Variants in XRCC5 observed in about 807,000 individuals in gnomAD.
The protein encoded by XRCC5 is DNA repair protein Ku80.
Under a neutral mutation model 95.7 loss-of-function variants are expected in XRCC5, and 12 were observed. The observed-to-expected ratio is 0.13, with a 90% CI of 0.08 to 0.20. The LOEUF (loss-of-function observed/expected upper bound fraction) is 0.20. Among genes scored for constraint, XRCC5 ranks in the 10% least tolerant of loss-of-function variants. XRCC5 has a pLI of 1.00. For missense variants in XRCC5, 595 were observed against 873.9 expected (o/e 0.68, Z 4.02); for synonymous variants, 281 against 290.3 (o/e 0.97, Z 0.33).
intron 15 of XRCC5, among the ~76,000 whole-genome samples, chr2:216,160,854 G>C (rs1688938951): frequency 6.6e-6 from 1 of 152,004 alleles, no homozygotes; most frequent in Admixed American, 6.6e-5. Flanking sequence ...TGTGTAGCTA[G>C]GACTAAGGGT....
chr2:216,190,607 A>G lies in XRCC5; in HGVS notation c.1944+273A>G, dbSNP rs1038106433. Among the ~76,000 whole-genome samples, 10 of 152,056 alleles carry G rather than the reference A, an allele frequency of 6.6e-5. No individual in the cohort carries two copies. In the South Asian group the frequency reaches 1.2e-3, roughly 19 times the overall value. On this transcript the variant is annotated intron_variant, in intron 17 of 20. Transcript: ENST00000392132. ...GACCTGGCCTTTGCTTTCTGTTCCT[A>G]TTTAGGGAACCAAGGAAATTTCCAT... is the stretch of plus-strand genomic sequence containing the variant.
chr2:216,158,591 C>T (rs184201294), intron 14 of XRCC5, among the ~76,000 whole-genome samples: 36 of 152,054 alleles, frequency 2.4e-4, no homozygotes, highest in African/African-American at 8.2e-4. Context: ...TCCACGAAGG[C>T]TGTGTGTTTA....
intron 16 of XRCC5, among the ~76,000 whole-genome samples, chr2:216,181,593 A>G (rs547801297): frequency 6.6e-6 from 1 of 152,280 alleles, no homozygotes; most frequent in East Asian, 1.9e-4. Flanking sequence ...GATGCTTGTG[A>G]TTTGAGAACC....
intron 16 of XRCC5, among the ~76,000 whole-genome samples, chr2:216,184,226 C>G (rs894308599): frequency 1.3e-5 from 2 of 152,118 alleles, no homozygotes; most frequent in African/African-American, 4.8e-5. Context: ...TTGCATGTCA[C>G]AACCGTGTTA....
chr2:216,114,804 A>G lies in XRCC5; in HGVS notation c.135+1675A>G, dbSNP rs181339026. 1.1e-4 allele frequency among the ~76,000 whole-genome samples: 16 copies of G among 152,304 alleles called. No individual in the cohort carries two copies. In the East Asian group the frequency reaches 1.5e-3, roughly 15 times the overall value. ...AGCAAGATGGTGAACTTTAACTGGTATAAAAGCTGCCTCTGGGGGCGCTCG... is the reference window on the plus strand; with the variant it reads ...AGCAAGATGGTGAACTTTAACTGGTGTAAAAGCTGCCTCTGGGGGCGCTCG... On this transcript the variant is annotated intron_variant, in intron 2 of 20. Transcript: ENST00000392132.
intron 16 of XRCC5, among the ~76,000 whole-genome samples, chr2:216,184,531 C>T (rs569058668): frequency 6.6e-6 from 1 of 152,300 alleles, no homozygotes; most frequent in African/African-American, 2.4e-5. Context: ...GGCTGGAGTG[C>T]AGTGGTGAGA....
chr2:216,119,527 ATT>A (rs925542773), intron 5 of XRCC5, among the ~76,000 whole-genome samples: 1 of 149,080 alleles, frequency 6.7e-6, no homozygotes. Context: ...AGATTGATGG[ATT>A]TTTTTTTTTC....
chr2:216,187,819 ACACT>A (rs1192825288), intron 16 of XRCC5, among the ~76,000 whole-genome samples: 114 of 50,974 alleles, frequency 2.2e-3, no homozygotes, highest in East Asian at 6.9e-3. Flanking sequence ...ACACACACAC[ACACT>A]CTCTCTCTCT....
intron 19 of XRCC5, among the ~76,000 whole-genome samples, chr2:216,197,423 C>A (rs1389990669): frequency 8.2e-5 from 9 of 109,888 alleles, no homozygotes; most frequent in Admixed American, 4.9e-4. Flanking sequence ...CCAGCCTGGA[C>A]AACGAAAGCG....
At position 216,125,907 on chromosome 2, in the gene XRCC5, CTTTA is replaced by C. The variant is rs751046218; in HGVS notation, c.684-7_684-4del. On this transcript the variant is annotated splice_polypyrimidine_tract_variant and splice_region_variant and intron_variant, in intron 6 of 20. Transcript: ENST00000392132. Reference sequence around the variant, plus strand: ...ATTGTTGCTTTCATTTTATATTTTTCTTTATTAAGTGAGAGTCTGAGAAAACTGT... The same window carrying C: ...ATTGTTGCTTTCATTTTATATTTTTCTTAAGTGAGAGTCTGAGAAAACTGT... The C allele has an allele frequency of 6.2e-7, 1 of 1,605,404 alleles. No homozygotes were observed. Among genetic ancestry groups the C allele is most frequent in the Non-Finnish European group, 8.5e-7 (1 of 1,173,082 alleles).
intron 14 of XRCC5, among the ~76,000 whole-genome samples, chr2:216,148,778 G>A (rs1688686260): frequency 6.6e-6 from 1 of 152,092 alleles, no homozygotes; most frequent in South Asian, 2.1e-4. Flanking sequence ...TGTGCTATTG[G>A]GGAGGTGTTT....
chr2:216,117,044 C>CA (rs1471389797), intron 3 of XRCC5: 7 of 603,614 alleles, frequency 1.2e-5, no homozygotes, highest in South Asian at 4.1e-5. Flanking sequence ...GCCCTCCACT[C>CA]ACTTCCCTGT....
chr2:216,184,328 A>G (rs1689452113), intron 16 of XRCC5, among the ~76,000 whole-genome samples: 1 of 152,202 alleles, frequency 6.6e-6, no homozygotes, highest in Admixed American at 6.5e-5. Context: ...TTTTATAGAA[A>G]TACAGCTTTT....
chr2:216,132,101 T>C lies in XRCC5; in HGVS notation c.1051-224T>C, dbSNP rs187812538. 2.0e-5 allele frequency among the ~76,000 whole-genome samples: 3 copies of C among 152,376 alleles called. No individual in the cohort carries two copies. The East Asian group carries it at 5.8e-4, about 29-fold the overall frequency. ...GAAGCTCCTCAAGGGCAAGATTATG[T>C]TTTGTTCACTGTTGTGTTTACAGTG... is the stretch of plus-strand genomic sequence containing the variant. On this transcript the variant is annotated intron_variant, in intron 9 of 20. Transcript: ENST00000392132.
intron 14 of XRCC5, among the ~76,000 whole-genome samples, chr2:216,155,651 G>GC (rs1688827534): frequency 2.0e-5 from 3 of 152,158 alleles, no homozygotes. Context: ...GCAAGTAACA[G>GC]CCACATGGAC....
intron 19 of XRCC5, 101 bp downstream of exon 19, chr2:216,195,087 T>C: frequency 4.7e-6 from 5 of 1,061,448 alleles, no homozygotes; most frequent in South Asian, 1.3e-5. Flanking sequence ...ACTAAATTAG[T>C]GTACTCATTT....
intron 13 of XRCC5, 49 bp from the exon 14 acceptor site, chr2:216,148,034 G>T: frequency 6.4e-7 from 1 of 1,555,530 alleles, no homozygotes; most frequent in Non-Finnish European, 8.7e-7. Flanking sequence ...ATATAAAGAA[G>T]CCATATATGT....
rs1173016514 is a variant in XRCC5 at position 216,141,237 on chromosome 2, A to G, written c.1394A>G (p.Lys465Arg). ...TTGATTGACTCCATGAGCTTGGCAA[A>G]GAAAGATGAGAAGACAGACACCCTT... ...DALIDSMSLA[K>R]KDEKTDTLED... The change falls in exon 13 of 21, where the codon AAG (lysine) becomes AGG (arginine). Residue 465 changes from lysine (K) to arginine (R), a missense_variant. By Grantham distance (26) the Lys-to-Arg change is conservative. Around this residue, in one of 2 missense-constraint regions of XRCC5, gnomAD observed 309 missense variants for 382.9 expected, o/e 0.81. Coordinates refer to ENST00000392132, the MANE Select transcript of XRCC5 (RefSeq NM_021141.4). The G allele has an allele frequency of 2.5e-6, 4 of 1,614,180 alleles. No individual in the cohort carries two copies. Among genetic ancestry groups the G allele is most frequent in the Non-Finnish European group, 3.4e-6 (4 of 1,180,020 alleles).
At chr2:216,125,585 G>C (rs1054781334) in intron 6 of XRCC5, among the ~76,000 whole-genome samples, 1 of 152,144 alleles carries the variant, frequency 6.6e-6, no homozygotes, top group Admixed American at 6.5e-5. Flanking sequence ...TCATGAATGT[G>C]CTTTTATCAC....
Sources: allele counts gnomAD v4.1 joint callset (sites outside exome capture counted in the v4.1 genomes callset), GRCh38; gene constraint gnomAD v4.1.1; regional missense constraint gnomAD v4.1.1; transcripts MANE v1.5; gene names NCBI Gene and HGNC (gene_info 2026-07-23, HGNC 2026-07-21).